FER1L6: variants seen among roughly 807,000 people sequenced by gnomAD.
FER1L6 encodes fer-1-like protein 6.
In FER1L6, 177 loss-of-function variants were observed where a neutral mutation model predicts 219.2. The ratio of observed to expected loss-of-function variants is 0.81; its 90% CI spans 0.71 to 0.91. The LOEUF (loss-of-function observed/expected upper bound fraction) is 0.91. FER1L6 is among the 40% of genes least tolerant of loss of function. FER1L6 has a pLI of 0.00. For missense variants in FER1L6, 2,153 were observed against 2,259.9 expected (o/e 0.95, Z 0.96); for synonymous variants, 768 against 824.3 (o/e 0.93, Z 1.17).
At chr8:124,013,895 A>G (rs1220852742) in intron 15 of FER1L6, among the ~76,000 whole-genome samples, 1 of 152,162 alleles carries the variant, frequency 6.6e-6, no homozygotes, top group Non-Finnish European at 1.5e-5. Context: ...TAATATATAA[A>G]ATACCATAGT....
At chr8:124,065,231 T>TAA (rs548025271) in intron 26 of FER1L6, among the ~76,000 whole-genome samples, 30 of 143,532 alleles carry the variant, frequency 2.1e-4, no homozygotes, top group Non-Finnish European at 4.4e-4. Context: ...CCATCTCTAC[T>TAA]AAAAAAAAAA....
chr8:124,005,221 A>G (rs1817604785), intron 13 of FER1L6, among the ~76,000 whole-genome samples: 1 of 152,162 alleles, frequency 6.6e-6, no homozygotes, highest in South Asian at 2.1e-4. Flanking sequence ...CCTTCGCTAA[A>G]CTATGAGAAC....
At position 124,082,271 on chromosome 8, in the gene FER1L6, C is replaced by T; in HGVS notation, c.4221-17C>T. On this transcript the variant is annotated splice_polypyrimidine_tract_variant and intron_variant, in intron 32 of 40. Coordinates refer to ENST00000522917, the MANE Select transcript of FER1L6 (RefSeq NM_001039112.2). ...CCAAATGTTAACTGACTCTTGAAGT[C>T]TCTGCTTGGACCGCAGGTCATTTGA... 2.5e-6 allele frequency: 4 copies of T among 1,603,486 alleles called. No homozygotes were observed. Among genetic ancestry groups the T allele is most frequent in the Non-Finnish European group, 3.4e-6 (4 of 1,174,510 alleles).
At chr8:123,964,569 CCCCTCTA>C (rs1250808891) in intron 3 of FER1L6, among the ~76,000 whole-genome samples, 3 of 152,182 alleles carry the variant, frequency 2.0e-5, no homozygotes, top group Admixed American at 2.0e-4. Flanking sequence ...ACAACCACCA[CCCCTCTA>C]CCCTAGTCTC....
chr8:123,911,481 T>C (rs544582959), intron 1 of FER1L6, among the ~76,000 whole-genome samples: 2 of 152,274 alleles, frequency 1.3e-5, no homozygotes, highest in East Asian at 3.9e-4. Flanking sequence ...ACTTTACTCA[T>C]GAGAAACCCA....
In FER1L6 at chr8:124,084,248, ATTTC is replaced by A. The variant is rs538744419; in HGVS notation, c.4391+1794_4391+1797del. 4.3e-3 allele frequency among the ~76,000 whole-genome samples: 646 copies of A among 148,974 alleles called. 10 individuals are homozygous for A. The highest frequency in any genetic ancestry group is 0.015 in the African/African-American group (616 of 40,342). ...TTTCTTTCCAATTTGGATGCCCTTT[ATTTC>A]TTTGTCTTATCTGATTGCTCTAGCT... On this transcript the variant is annotated intron_variant, in intron 33 of 40. Transcript: ENST00000522917.
chr8:123,947,579 C>T (rs1286782897), intron 1 of FER1L6, among the ~76,000 whole-genome samples: 3 of 152,156 alleles, frequency 2.0e-5, no homozygotes, highest in Non-Finnish European at 4.4e-5. Context: ...TCCATCTGTC[C>T]ATTCATCTAT....
intron 1 of FER1L6, among the ~76,000 whole-genome samples, chr8:123,911,734 G>A (rs1563681861): frequency 6.6e-6 from 1 of 152,160 alleles, no homozygotes; most frequent in Non-Finnish European, 1.5e-5. Flanking sequence ...TTGTCCGAGA[G>A]CATGCAGCTA....
Position 123,975,963 on chromosome 8 carries a change from A to G in FER1L6, c.749A>G (p.Tyr250Cys), listed in dbSNP as rs1052140996. 3 of 1,613,924 alleles carry G rather than the reference A, an allele frequency of 1.9e-6. No individual in the cohort carries two copies. The African/African-American group carries it at 4.0e-5, about 22-fold the overall frequency. ...RPWARFYVRL[Y>C]KAEGLPKMNS... ...TGGGCCAGATTCTATGTGAGACTCT[A>G]CAAAGCAGAAGGGTTGCCCAAAATG... Residue 250 changes from tyrosine (Y) to cysteine (C), a missense_variant, in exon 9 of 41, where the codon TAC becomes TGC. By Grantham distance (194) the Tyr-to-Cys change is radical. Transcript: ENST00000522917.
intron 3 of FER1L6, among the ~76,000 whole-genome samples, chr8:123,964,922 C>T (rs1815467275): frequency 6.6e-6 from 1 of 152,126 alleles, no homozygotes; most frequent in Non-Finnish European, 1.5e-5. Flanking sequence ...TCTTCTCTCC[C>T]ATGGATGATA....
intron 39 of FER1L6, among the ~76,000 whole-genome samples, chr8:124,105,378 G>C (rs1188282073): frequency 1.3e-5 from 2 of 152,206 alleles, no homozygotes; most frequent in African/African-American, 4.8e-5. Context: ...ATGGTGAAAA[G>C]CTTGGACTTC....
At chr8:123,860,148 A>T (rs1424262242) in intron 1 of FER1L6, among the ~76,000 whole-genome samples, 2 of 71,170 alleles carry the variant, frequency 2.8e-5, no homozygotes, top group African/African-American at 1.3e-4. Flanking sequence ...TCCCCACCAC[A>T]GTCCCCAGAG....
chr8:123,986,204 C>T (rs767896574), intron 12 of FER1L6, 28 bp downstream of exon 12: 25 of 1,307,962 alleles, frequency 1.9e-5, no homozygotes, highest in Non-Finnish European at 2.3e-5. Context: ...CAGTGCCAGG[C>T]ACATAGCATG....
chr8:123,975,723 C>T (rs1462614533), intron 8 of FER1L6, among the ~76,000 whole-genome samples, 175 bp from the exon 9 acceptor site: 2 of 152,208 alleles, frequency 1.3e-5, no homozygotes, highest in Non-Finnish European at 2.9e-5. Flanking sequence ...TCACTCTATT[C>T]ATACCATTCT....
intron 1 of FER1L6, among the ~76,000 whole-genome samples, chr8:123,944,078 C>G: frequency 6.6e-6 from 1 of 151,852 alleles, no homozygotes; most frequent in South Asian, 2.1e-4. Flanking sequence ...ATTTCCTTAT[C>G]TGAAAAAGAG....
At position 124,119,973 on chromosome 8, in the gene FER1L6, A is replaced by C; in HGVS notation, c.*183A>C. The C allele has an allele frequency of 1.8e-6, 1 of 570,436 alleles. No individual in the cohort carries two copies. The highest frequency in any genetic ancestry group is 2.9e-6 in the Non-Finnish European group (1 of 345,150). 35.3% of individuals were successfully genotyped at this position (570,436 alleles called of 1,614,324 possible). Reference sequence around the variant, plus strand: ...TCCAACCCCTGCCTCCAAGTTTCAAACTTGTAAGGCATGTTTTATCCCTTG... The same window carrying C: ...TCCAACCCCTGCCTCCAAGTTTCAACCTTGTAAGGCATGTTTTATCCCTTG... On this transcript the variant is annotated 3_prime_UTR_variant, in exon 41 of 41. Coordinates refer to ENST00000522917, the MANE Select transcript of FER1L6 (RefSeq NM_001039112.2).
intron 3 of FER1L6, among the ~76,000 whole-genome samples, chr8:123,965,624 G>A (rs953211810): frequency 1.3e-5 from 2 of 152,218 alleles, no homozygotes; most frequent in Admixed American, 1.3e-4. Context: ...AGGAGACTGG[G>A]AGTTCCTTAT....
At chr8:124,061,801 G>A (rs753627937) in intron 24 of FER1L6, 51 bp from the exon 25 acceptor site, 11 of 1,588,978 alleles carry the variant, frequency 6.9e-6, no homozygotes, top group Non-Finnish European at 8.6e-6. Flanking sequence ...CTTTGGGTCT[G>A]CCCATGGAAG....
At position 124,023,506 on chromosome 8, in the gene FER1L6, T is replaced by G; in HGVS notation, c.2196T>G (p.Tyr732Ter). ...WMLSNNRRVA[Y>*]ARIASKDLLY... is the part of the protein sequence containing the mutation. ...TCAGCAACAACAGGAGAGTGGCCTATGCCCGCATCGCCTCCAAAGACCTCC... is the reference window on the plus strand; with the variant it reads ...TCAGCAACAACAGGAGAGTGGCCTAGGCCCGCATCGCCTCCAAAGACCTCC... The change falls in exon 18 of 41, where the codon TAT becomes TAG. Residue 732 changes from tyrosine to a stop codon, truncating the protein, a stop_gained. Transcript: ENST00000522917. LOFTEE classifies it high-confidence loss of function. 1 of 1,614,220 alleles carries G rather than the reference T, an allele frequency of 6.2e-7. No individual in the cohort carries two copies. The highest frequency in any genetic ancestry group is 8.5e-7 in the Non-Finnish European group (1 of 1,180,040).
Sources: gnomAD v4.1 joint callset for allele counts (sites outside exome capture counted in the v4.1 genomes callset) on GRCh38, gnomAD v4.1.1 for gene constraint, MANE v1.5 for transcripts, NCBI Gene and HGNC (gene_info 2026-07-23, HGNC 2026-07-21) for gene names.